The following VPS53 variants were observed in gnomAD, a reference collection of about 807,000 sequenced individuals.
VPS53 encodes VPS53 subunit of GARP complex.
A neutral mutation model predicts 107.0 loss-of-function variants in VPS53; 70 were observed. The observed-to-expected ratio is 0.65, with a 90% CI of 0.54 to 0.80. The LOEUF is 0.80. VPS53 is among the 30% of genes least tolerant of loss of function. The pLI, the probability that VPS53 is intolerant of heterozygous loss-of-function variation, is 0.00. For missense variants in VPS53, 917 were observed against 1,049.4 expected (o/e 0.87, Z 1.74); for synonymous variants, 409 against 393.3 (o/e 1.04, Z -0.47).
At chr17:709,593 A>T (rs1451717667) in intron 2 of VPS53, among the ~76,000 whole-genome samples, 1 of 152,030 alleles carries the variant, frequency 6.6e-6, no homozygotes. Flanking sequence ...TGCACACCTC[A>T]AGGGCATGGA....
intron 12 of VPS53, among the ~76,000 whole-genome samples, chr17:596,113 A>G (rs1245922709): frequency 6.6e-6 from 1 of 152,282 alleles, no homozygotes; most frequent in East Asian, 1.9e-4. Flanking sequence ...TTATGAGCCC[A>G]TAATTATTTC....
chr17:531,736 A>T (rs1256541399), intron 19 of VPS53, among the ~76,000 whole-genome samples: 4 of 141,436 alleles, frequency 2.8e-5, no homozygotes, highest in Non-Finnish European at 6.1e-5. Context: ...GCCTCTAGTG[A>T]TCCTCCCATC....
intron 4 of VPS53, among the ~76,000 whole-genome samples, chr17:686,723 G>A (rs1444012392): frequency 6.6e-6 from 1 of 152,222 alleles, no homozygotes; most frequent in Non-Finnish European, 1.5e-5. Flanking sequence ...ACAGGAACTC[G>A]ACAAATACCT....
At chr17:632,523 C>T (rs1420823928) in intron 7 of VPS53, among the ~76,000 whole-genome samples, 1 of 152,052 alleles carries the variant, frequency 6.6e-6, no homozygotes, top group Non-Finnish European at 1.5e-5. Context: ...TAGGAACATT[C>T]CAATTCCAAT....
chr17:658,188 A>T (rs113001388), intron 5 of VPS53, among the ~76,000 whole-genome samples: 1 of 138,846 alleles, frequency 7.2e-6, no homozygotes, highest in East Asian at 2.4e-4. Context: ...TGAGAAACTC[A>T]GCAGGGAGTT....
intron 4 of VPS53, among the ~76,000 whole-genome samples, chr17:681,032 C>T (rs1197474351): frequency 1.3e-5 from 2 of 152,170 alleles, no homozygotes; most frequent in Non-Finnish European, 2.9e-5. Context: ...TCCATTTAAA[C>T]ATGACAATGA....
At chr17:595,300 A>C in intron 12 of VPS53, among the ~76,000 whole-genome samples, 1 of 30,014 alleles carries the variant, frequency 3.3e-5, no homozygotes, top group African/African-American at 1.0e-4. Flanking sequence ...CAATTTCCTG[A>C]TTTGATGATG....
intron 4 of VPS53, among the ~76,000 whole-genome samples, chr17:679,298 GAGGTCA>G (rs1972297156): frequency 6.6e-6 from 1 of 151,616 alleles, no homozygotes. Context: ...CGCAGATCAC[GAGGTCA>G]GGAGATTGAG....
intron 4 of VPS53, chr17:674,597 G>C (rs1357093705): frequency 6.6e-6 from 1 of 152,208 alleles, no homozygotes; most frequent in East Asian, 1.9e-4. Context: ...TCTTCAACCT[G>C]GGGTTCTTCT....
At chr17:645,444 A>T (rs1326721268) in intron 7 of VPS53, among the ~76,000 whole-genome samples, 1 of 152,204 alleles carries the variant, frequency 6.6e-6, no homozygotes, top group Non-Finnish European at 1.5e-5. Context: ...TATTCTTCCC[A>T]TTCTGTGCAT....
At chr17:679,976 C>T (rs1402998199) in intron 4 of VPS53, among the ~76,000 whole-genome samples, 5 of 151,856 alleles carry the variant, frequency 3.3e-5, no homozygotes, top group Admixed American at 6.6e-5. Flanking sequence ...GGTGAAACCC[C>T]GTCTCTACTA....
intron 4 of VPS53, among the ~76,000 whole-genome samples, chr17:662,883 AAGGAAGGAAGGC>A (rs1567720298): frequency 9.1e-6 from 1 of 109,688 alleles, no homozygotes; most frequent in African/African-American, 2.8e-5. Flanking sequence ...CGAAGGAAGG[AAGGAAGGAAGGC>A]AGGCAGGCAG....
At chr17:669,332 C>A (rs546103051) in intron 4 of VPS53, among the ~76,000 whole-genome samples, 1 of 152,126 alleles carries the variant, frequency 6.6e-6, no homozygotes, top group African/African-American at 2.4e-5. Flanking sequence ...GTAGCTCACA[C>A]CTATAATCCC....
chr17:534,992 G>T (rs953291756), intron 18 of VPS53, among the ~76,000 whole-genome samples: 2 of 152,098 alleles, frequency 1.3e-5, no homozygotes, highest in East Asian at 3.9e-4. Context: ...GCGATGGGGG[G>T]AGTATGAGGA....
intron 4 of VPS53, among the ~76,000 whole-genome samples, chr17:681,722 C>G (rs1972400499): frequency 6.6e-6 from 1 of 152,136 alleles, no homozygotes; most frequent in African/African-American, 2.4e-5. Context: ...AAATTGTTAA[C>G]AGTCCTGGAA....
chr17:646,359 T>C (rs74972767), intron 7 of VPS53, among the ~76,000 whole-genome samples: 29 of 107,742 alleles, frequency 2.7e-4, no homozygotes, highest in South Asian at 1.8e-3. Context: ...GGACTGGAGA[T>C]CGGCTCCCAC....
rs778334433 is a variant in VPS53 at position 553,429 on chromosome 17, T to C, written c.1738A>G (p.Ser580Gly). 1.2e-6 allele frequency: 2 copies of C among 1,614,120 alleles called. No individual in the cohort carries two copies. The highest frequency in any genetic ancestry group is 1.7e-5 in the Admixed American group (1 of 60,024). Residue 580 changes from serine to glycine, a missense_variant, in exon 16 of 22, where the codon AGT becomes GGT. By Grantham distance (56) the Ser-to-Gly change is moderately conservative. Coordinates refer to ENST00000437048, the MANE Select transcript of VPS53 (RefSeq NM_001128159.3). Reference sequence around the variant, plus strand: ...GTCAGATTGATTCGTTCAATCAGACTTACATCCACTTTTTCTTTGAGTTTT... The same window carrying C: ...GTCAGATTGATTCGTTCAATCAGACCTACATCCACTTTTTCTTTGAGTTTT... ...EEKLKEKVDV[S>G]LIERINLTGE...
At chr17:675,476 C>T (rs931913386) in intron 4 of VPS53, 1 of 152,226 alleles carries the variant, frequency 6.6e-6, no homozygotes, top group African/African-American at 2.4e-5. Context: ...GAATTTGAAT[C>T]ATCAAACTTA....
intron 4 of VPS53, among the ~76,000 whole-genome samples, chr17:691,046 G>A (rs1972759881): frequency 6.6e-6 from 1 of 152,104 alleles, no homozygotes; most frequent in African/African-American, 2.4e-5. Flanking sequence ...TCCACTCCTG[G>A]GAACCACATT....
Sources: gnomAD v4.1 joint callset for allele counts (sites outside exome capture counted in the v4.1 genomes callset) on GRCh38, gnomAD v4.1.1 for gene constraint, MANE v1.5 for transcripts, NCBI Gene and HGNC (gene_info 2026-07-23, HGNC 2026-07-21) for gene names.